The following NR2C1 variants were observed in gnomAD, a reference collection of about 807,000 sequenced individuals.
NR2C1 encodes TR2 nuclear hormone receptor.
In NR2C1, 33 loss-of-function variants were observed where a neutral mutation model predicts 74.8. The observed-to-expected ratio is 0.44, with a 90% CI of 0.33 to 0.59. The LOEUF (loss-of-function observed/expected upper bound fraction) is 0.59. Among genes scored for constraint, NR2C1 ranks in the 20% least tolerant of loss-of-function variants. The pLI is 0.02. For missense variants in NR2C1, 568 were observed against 715.6 expected, an observed-to-expected ratio of 0.79 and a Z score of 2.35; for synonymous variants, 225 against 240.6, an observed-to-expected ratio of 0.94 and a Z score of 0.60.
intron 2 of NR2C1, 117 bp from the exon 3 acceptor site, chr12:95,062,855 A>G (rs371629300): frequency 1.4e-6 from 1 of 722,380 alleles, no homozygotes; most frequent in African/African-American, 1.8e-5. Flanking sequence ...CGTACCTTTT[A>G]AACTACCGAT....
At position 95,022,272 on chromosome 12, in the gene NR2C1, T is replaced by C. The variant is rs1450484459; in HGVS notation, c.1769A>G (p.Glu590Gly). Residue 590 changes from glutamate (E) to glycine (G), a missense_variant, in exon 14 of 14, where the codon GAG (glutamate) becomes GGG (glycine). By Grantham distance (98) the Glu-to-Gly change is moderately conservative (BLOSUM62 -2). This residue lies in a region of NR2C1 where 117 missense variants were observed against 186.7 expected (regional missense o/e 0.63). Coordinates refer to ENST00000333003, the MANE Select transcript of NR2C1 (RefSeq NM_003297.4). ...TATTTGAGAGTTATAATCTGCAGGCTCCATTTTCAAAATATGTGGGATAAC... is the reference window on the plus strand; with the variant it reads ...TATTTGAGAGTTATAATCTGCAGGCCCCATTTTCAAAATATGTGGGATAAC... The part of the protein sequence containing the change: ...DSVIPHILKM[E>G]PADYNSQIIG... The C allele has an allele frequency of 6.2e-7, 1 of 1,612,262 alleles. No individual in the cohort carries two copies. Among genetic ancestry groups the C allele is most frequent in the South Asian group, 1.1e-5 (1 of 90,516 alleles).
rs1869208703 is a variant in NR2C1, at chr12:95,025,215, A to G, written c.1572T>C (p.Phe524=). 6.2e-7 allele frequency: 1 copy of G among 1,607,472 alleles called. No individual in the cohort carries two copies. The highest frequency in any genetic ancestry group is 1.7e-5 in the Admixed American group (1 of 59,604). The change falls in exon 13 of 14, where the codon TTT becomes TTC. Residue 524 remains phenylalanine (F), a synonymous_variant. Coordinates refer to ENST00000333003, the MANE Select transcript of NR2C1 (RefSeq NM_003297.4). Reference sequence around the variant, plus strand: ...GGAATTCCACATAAGCCTTTTCCTGAAATTTCTCTATCTGTTCCATGTTTT... The same window carrying G: ...GGAATTCCACATAAGCCTTTTCCTGGAATTTCTCTATCTGTTCCATGTTTT... ...SLENMEQIEK[F]QEKAYVEFQD... is the part of the protein sequence containing the mutation.
intron 1 of NR2C1, among the ~76,000 whole-genome samples, chr12:95,072,297 C>CAAAAAA (rs769410702): frequency 4.1e-5 from 5 of 121,316 alleles, no homozygotes; most frequent in African/African-American, 8.4e-5. Context: ...AAAACAAAAA[C>CAAAAAA]AAAAAAACTA....
At chr12:95,046,832 A>G (rs995107744) in intron 9 of NR2C1, among the ~76,000 whole-genome samples, 2 of 152,208 alleles carry the variant, frequency 1.3e-5, no homozygotes, top group Non-Finnish European at 2.9e-5. Flanking sequence ...GGAGCTAAGC[A>G]GGGAAATCAC....
chr12:95,049,226 C>T lies in NR2C1; in HGVS notation c.973G>A (p.Asp325Asn), dbSNP rs142368782. 3.2e-4 allele frequency: 512 copies of T among 1,613,650 alleles called. 2 individuals carry two copies. Among genetic ancestry groups the T allele is most frequent in the Middle Eastern group, 9.9e-4 (6 of 6,060 alleles). ...QTNGDVSRAF[D>N]TLAKALNPGE... ...GGATTCAATGCTTTTGCAAGAGTGT[C>T]AAATGCCCTGTATGAAGACATCAGA... is the stretch of plus-strand genomic sequence containing the variant. Residue 325 changes from aspartate to asparagine, a missense_variant, in exon 9 of 14, where the codon GAC becomes AAC. Physicochemically the swap from Asp to Asn is conservative, Grantham distance 23. Coordinates refer to ENST00000333003, the MANE Select transcript of NR2C1 (RefSeq NM_003297.4).
At position 95,057,777 on chromosome 12, in the gene NR2C1, G is replaced by C; in HGVS notation, c.646C>G (p.Pro216Ala). 6.2e-6 allele frequency: 10 copies of C among 1,614,104 alleles called. No individual in the cohort carries two copies. The highest frequency in any genetic ancestry group is 8.5e-6 in the Non-Finnish European group (10 of 1,179,998). The change falls in exon 6 of 14, where the codon CCA becomes GCA. Residue 216 changes from proline to alanine, a missense_variant. By Grantham distance (27) the Pro-to-Ala change is conservative. Transcript: ENST00000333003. ...KIYIRKDLRS[P>A]LTATPTFVTD... is the part of the protein sequence containing the mutation. ...ACAAAAGTTGGAGTTGCAGTTAATG[G>C]GCTACGAAGGTCCTTTCGGATATAG...
At chr12:95,068,888 G>A (rs547318633) in intron 1 of NR2C1, among the ~76,000 whole-genome samples, 2 of 152,114 alleles carry the variant, frequency 1.3e-5, no homozygotes, top group East Asian at 3.9e-4. Flanking sequence ...CCATAAACTT[G>A]GAAGGCAGAG....
intron 10 of NR2C1, among the ~76,000 whole-genome samples, chr12:95,039,768 A>C (rs562578097): frequency 6.6e-6 from 1 of 152,324 alleles, no homozygotes; most frequent in Admixed American, 6.5e-5. Flanking sequence ...AGTAGCTGGA[A>C]CTACTAGTGT....
At chr12:95,057,509 A>T (rs1341319065) in intron 7 of NR2C1, 44 bp downstream of exon 7, 1 of 1,409,830 alleles carries the variant, frequency 7.1e-7, no homozygotes, top group African/African-American at 1.4e-5. Context: ...AAAACATTTT[A>T]AAATGCTTAA....
At chr12:95,029,584 G>A (rs1869803950) in intron 11 of NR2C1, among the ~76,000 whole-genome samples, 1 of 140,938 alleles carries the variant, frequency 7.1e-6, no homozygotes, top group South Asian at 2.2e-4. Context: ...TTGAGATGGA[G>A]TCTCGCTCTG....
At chr12:95,034,430 G>T (rs1870559247) in intron 10 of NR2C1, among the ~76,000 whole-genome samples, 1 of 152,202 alleles carries the variant, frequency 6.6e-6, no homozygotes, top group South Asian at 2.1e-4. Flanking sequence ...ATAAAATCCA[G>T]AATTGAGGAA....
chr12:95,055,656 T>C (rs1195025275), intron 7 of NR2C1, among the ~76,000 whole-genome samples: 1 of 152,096 alleles, frequency 6.6e-6, no homozygotes, highest in Admixed American at 6.6e-5. Flanking sequence ...TTATAGGTTA[T>C]ATAAAATCAG....
chr12:95,035,115 G>A (rs1345673291), intron 10 of NR2C1, among the ~76,000 whole-genome samples: 1 of 152,154 alleles, frequency 6.6e-6, no homozygotes, highest in Non-Finnish European at 1.5e-5. Flanking sequence ...GACAAATGGG[G>A]TAAATTTACA....
intron 9 of NR2C1, among the ~76,000 whole-genome samples, chr12:95,041,449 T>G (rs2136127911): frequency 6.6e-6 from 1 of 152,080 alleles, no homozygotes; most frequent in Non-Finnish European, 1.5e-5. Context: ...GCCACTGCAC[T>G]CCAGCCTGGG....
At chr12:95,065,422 T>C (rs1242128896) in intron 2 of NR2C1, among the ~76,000 whole-genome samples, 1 of 152,168 alleles carries the variant, frequency 6.6e-6, no homozygotes, top group Non-Finnish European at 1.5e-5. Flanking sequence ...TTAAAAATAG[T>C]TGATTCATTT....
At chr12:95,057,995 C>T in intron 5 of NR2C1, 117 bp from the exon 6 acceptor site, 2 of 877,922 alleles carry the variant, frequency 2.3e-6, no homozygotes, top group South Asian at 1.8e-5. Flanking sequence ...TACTAAACTC[C>T]AAAGATAACC....
intron 10 of NR2C1, among the ~76,000 whole-genome samples, chr12:95,037,532 A>G (rs1870992820): frequency 6.6e-6 from 1 of 152,212 alleles, no homozygotes; most frequent in African/African-American, 2.4e-5. Flanking sequence ...TCAGAAAATG[A>G]TTAATGTTGC....
rs1876799452 is a variant in NR2C1 at position 95,072,400 on chromosome 12, CCGAGA to C, written c.-8+975_-8+979del. Reference sequence around the variant, plus strand: ...ACCTGGAGGCGGAGGTTGCAGTGAGCCGAGATCGCGCCACCGCACTCCAGCTTGGC... The same window carrying C: ...ACCTGGAGGCGGAGGTTGCAGTGAGCTCGCGCCACCGCACTCCAGCTTGGC... On this transcript the variant is annotated intron_variant, in intron 1 of 13. Coordinates refer to ENST00000333003, the MANE Select transcript of NR2C1 (RefSeq NM_003297.4). Among the ~76,000 whole-genome samples the C allele has an allele frequency of 2.7e-5, 4 of 147,852 alleles. No individual in the cohort carries two copies. In the Admixed American group the frequency reaches 2.7e-4, roughly 10 times the overall value.
At chr12:95,031,312 C>A in intron 11 of NR2C1, 37 bp downstream of exon 11, 1 of 1,497,744 alleles carries the variant, frequency 6.7e-7, no homozygotes, top group South Asian at 1.5e-5. Flanking sequence ...CATGCCTCCT[C>A]CTACAACCTG....
Sources: gnomAD v4.1 joint callset for allele counts (sites outside exome capture counted in the v4.1 genomes callset) on GRCh38, gnomAD v4.1.1 for gene constraint, gnomAD v4.1.1 regional missense constraint, MANE v1.5 for transcripts, NCBI Gene and HGNC (gene_info 2026-07-23, HGNC 2026-07-21) for gene names.